Variants in FBXL13 observed in about 807,000 individuals in gnomAD.
FBXL13 encodes the protein F-box and leucine-rich repeat protein 13.
FBXL13 carries 67 observed loss-of-function variants against 83.6 expected under a neutral mutation model. The observed-to-expected ratio is 0.80, with a 90% CI of 0.66 to 0.98. The LOEUF (loss-of-function observed/expected upper bound fraction) is 0.98, where lower values mean the gene tolerates loss of function less well. Ranked by LOEUF, FBXL13 falls within the 50% of genes least tolerant of loss-of-function variation. The probability of loss-of-function intolerance (pLI) is 0.00; values close to 1 mark genes in which losing one functional copy is unlikely to be tolerated. For missense variants in FBXL13, 822 were observed against 866.5 expected, an observed-to-expected ratio of 0.95 and a Z score of 0.64; for synonymous variants, 272 against 299.5, an observed-to-expected ratio of 0.91 and a Z score of 0.95.
chr7:102,896,755 G>A (rs1812299096), intron 11 of FBXL13, among the ~76,000 whole-genome samples: 1 of 152,096 alleles, frequency 6.6e-6, no homozygotes, highest in Non-Finnish European at 1.5e-5. Context: ...CCATCATACT[G>A]GATTAGGTTC....
intron 2 of FBXL13, among the ~76,000 whole-genome samples, chr7:103,034,615 G>A (rs368345316): frequency 7.6e-4 from 116 of 152,370 alleles, no homozygotes; most frequent in African/African-American, 2.0e-3. Flanking sequence ...TGAGGGAGCC[G>A]GTTCCGGCCT....
intron 6 of FBXL13, among the ~76,000 whole-genome samples, chr7:102,993,044 C>T (rs1271946365): frequency 6.6e-6 from 1 of 152,222 alleles, no homozygotes; most frequent in East Asian, 1.9e-4. Context: ...TTTTCACCCA[C>T]ACCACAACTT....
intron 6 of FBXL13, among the ~76,000 whole-genome samples, chr7:103,024,255 G>C (rs1264137053): frequency 1.3e-5 from 2 of 151,680 alleles, no homozygotes; most frequent in Non-Finnish European, 2.9e-5. Context: ...AGCCGGGTGT[G>C]GTGGTTCATG....
chr7:102,855,684 C>T (rs1446490129), intron 16 of FBXL13, among the ~76,000 whole-genome samples: 1 of 149,136 alleles, frequency 6.7e-6, no homozygotes, highest in African/African-American at 2.5e-5. Context: ...TCTATGATTC[C>T]AGGGCTGGCT....
chr7:103,005,782 G>T (rs984482502), intron 6 of FBXL13, among the ~76,000 whole-genome samples: 1 of 152,012 alleles, frequency 6.6e-6, no homozygotes, highest in African/African-American at 2.4e-5. Flanking sequence ...GAGGACCAGG[G>T]ATTCAACATG....
chr7:102,968,670 T>C (rs1396478192), intron 6 of FBXL13, among the ~76,000 whole-genome samples: 1 of 152,202 alleles, frequency 6.6e-6, no homozygotes, highest in African/African-American at 2.4e-5. Flanking sequence ...AAGAAACATT[T>C]TTTAAAAACA....
At chr7:102,978,716 C>A (rs1163278431) in intron 6 of FBXL13, 3 of 196,986 alleles carry the variant, frequency 1.5e-5, no homozygotes, top group Admixed American at 4.9e-5. Context: ...TGAACTGATA[C>A]AAGAATCCTT....
chr7:102,922,738 C>T lies in FBXL13; in HGVS notation c.878+3536G>A, dbSNP rs193019594. Among the ~76,000 whole-genome samples, 711 of 151,842 alleles carry T rather than the reference C, an allele frequency of 4.7e-3. 2 individuals are homozygous for T. The highest frequency in any genetic ancestry group is 6.8e-3 in the Admixed American group (104 of 15,246). On this transcript the variant is annotated intron_variant, in intron 10 of 19. Transcript: ENST00000313221. ...CTATAATCCCAGCACTTTGGGAGGC[C>T]GAGGCGGGCGGATCACGAGGTCAGG... is the stretch of plus-strand genomic sequence containing the variant.
intron 6 of FBXL13, among the ~76,000 whole-genome samples, chr7:102,983,412 CTTTTTTCCCCTTTT>C (rs1212923159): frequency 7.5e-6 from 1 of 133,086 alleles, no homozygotes; most frequent in Non-Finnish European, 1.6e-5. Flanking sequence ...TTCTGGTTTT[CTTTTTTCCCCTTTT>C]TTTTTTTTTT....
At chr7:102,948,721 CTTT>C (rs149969187) in intron 8 of FBXL13, among the ~76,000 whole-genome samples, 15 of 147,298 alleles carry the variant, frequency 1.0e-4, no homozygotes, top group African/African-American at 3.7e-4. Flanking sequence ...CACGCCCAGC[CTTT>C]TTTTTTTGAC....
exon 3 of FBXL13, chr7:103,029,410 C>T (rs760375206): frequency 2.9e-5 from 43 of 1,503,440 alleles, no homozygotes; most frequent in Admixed American, 6.4e-5. Context: ...TCATCAATTC[C>T]GGAGTCATCT....
Position 102,973,850 on chromosome 7 carries a change from T to C in FBXL13, c.496-5733A>G, listed in dbSNP as rs969206352. 1.7e-5 allele frequency: 12 copies of C among 701,662 alleles called. No homozygotes were observed. In the African/African-American group the frequency reaches 1.8e-4, roughly 10 times the overall value. 43.5% of individuals were successfully genotyped at this position (701,662 alleles called of 1,614,324 possible). ...GTTTCTCCAGTCTGAAAATCCAACATTGGTCCAAGAAGGCTCCGACGTGTG... is the reference window on the plus strand; with the variant it reads ...GTTTCTCCAGTCTGAAAATCCAACACTGGTCCAAGAAGGCTCCGACGTGTG... On this transcript the variant is annotated intron_variant, in intron 6 of 19. Coordinates refer to ENST00000313221, the Ensembl canonical transcript of FBXL13.
At chr7:102,903,441 C>A (rs1813230458) in intron 11 of FBXL13, among the ~76,000 whole-genome samples, 1 of 152,068 alleles carries the variant, frequency 6.6e-6, no homozygotes, top group South Asian at 2.1e-4. Flanking sequence ...CTAGGACTTT[C>A]AGTACTATGT....
chr7:103,013,857 T>C (rs980277426), intron 6 of FBXL13, among the ~76,000 whole-genome samples: 4 of 151,838 alleles, frequency 2.6e-5, no homozygotes, highest in South Asian at 2.1e-4. Flanking sequence ...AGCTTTTTCT[T>C]TGAAAGAAGT....
chr7:102,891,663 A>G (rs1328130974), intron 11 of FBXL13, among the ~76,000 whole-genome samples: 1 of 152,180 alleles, frequency 6.6e-6, no homozygotes, highest in Non-Finnish European at 1.5e-5. Context: ...ACAACCAAAC[A>G]TTAAAAAAAA....
At chr7:102,990,875 T>G (rs1829489321) in intron 6 of FBXL13, among the ~76,000 whole-genome samples, 1 of 152,126 alleles carries the variant, frequency 6.6e-6, no homozygotes, top group Non-Finnish European at 1.5e-5. Flanking sequence ...GGAGCAATGA[T>G]GGAGAATGCA....
intron 6 of FBXL13, among the ~76,000 whole-genome samples, chr7:103,018,667 G>T (rs1051580351): frequency 5.9e-5 from 9 of 152,082 alleles, no homozygotes; most frequent in African/African-American, 2.2e-4. Context: ...ACAAGCAAGG[G>T]TTGCAATCCT....
At chr7:102,989,326 A>C (rs913522595) in intron 6 of FBXL13, among the ~76,000 whole-genome samples, 1 of 152,230 alleles carries the variant, frequency 6.6e-6, no homozygotes, top group African/African-American at 2.4e-5. Context: ...CCAAGACAGA[A>C]CAGAATGCAT....
At chr7:102,878,897 A>G (rs911971748) in intron 14 of FBXL13, among the ~76,000 whole-genome samples, 13 of 152,226 alleles carry the variant, frequency 8.5e-5, no homozygotes, top group African/African-American at 3.1e-4. Context: ...AGGAAACCCA[A>G]TATGAGCCCT....
Sources: gnomAD v4.1 joint callset for allele counts (sites outside exome capture counted in the v4.1 genomes callset) on GRCh38, gnomAD v4.1.1 for gene constraint, MANE v1.5 for transcripts, NCBI Gene and HGNC (gene_info 2026-07-23, HGNC 2026-07-21) for gene names.